Variants in SAXO1 observed in about 807,000 individuals in gnomAD.
SAXO1 encodes the protein stabilizer of axonemal microtubules 1.
A neutral mutation model predicts 17.5 loss-of-function variants in SAXO1; 21 were observed. The ratio of observed to expected loss-of-function variants is 1.20; its 90% CI spans 0.85 to 1.72. The LOEUF is 1.72. Among genes scored for constraint, SAXO1 ranks in the 40% most tolerant of loss-of-function variants. The pLI, the probability that SAXO1 is intolerant of heterozygous loss-of-function variation, is 0.00. For synonymous variants in SAXO1, 274 were observed against 216.5 expected, an observed-to-expected ratio of 1.27 and a Z score of -2.33; for missense variants, 843 against 596.0, an observed-to-expected ratio of 1.41 and a Z score of -4.32.
chr9:18,996,708 G>A (rs779535738), intron 1 of SAXO1, among the ~76,000 whole-genome samples: 39 of 151,914 alleles, frequency 2.6e-4, no homozygotes, highest in Non-Finnish European at 4.4e-4. Context: ...TAAAGGCCAC[G>A]GATGAAAAAC....
intron 1 of SAXO1, among the ~76,000 whole-genome samples, chr9:18,956,675 G>C (rs566990566): frequency 3.7e-4 from 57 of 152,264 alleles, no homozygotes; most frequent in African/African-American, 1.3e-3. Flanking sequence ...TTAATCTGCA[G>C]ATAACAATTT....
chr9:18,959,865 G>A (rs1431717867), intron 1 of SAXO1, among the ~76,000 whole-genome samples: 4 of 152,182 alleles, frequency 2.6e-5, no homozygotes, highest in East Asian at 1.9e-4. Context: ...GATTCCAGGA[G>A]TAGTAATGCC....
chr9:18,951,633 CCT>C (rs1458916826), intron 1 of SAXO1, among the ~76,000 whole-genome samples: 1 of 152,198 alleles, frequency 6.6e-6, no homozygotes, highest in Non-Finnish European at 1.5e-5. Context: ...ACTACTCTTC[CCT>C]GTGTGTGCAC....
intron 1 of SAXO1, among the ~76,000 whole-genome samples, chr9:19,043,942 C>A (rs1836140523): frequency 6.6e-6 from 1 of 151,858 alleles, no homozygotes; most frequent in Non-Finnish European, 1.5e-5. Context: ...ATCGGGAGTT[C>A]GAGACCAGTC....
intron 1 of SAXO1, among the ~76,000 whole-genome samples, chr9:18,993,867 G>A (rs1026218820): frequency 6.6e-6 from 1 of 152,138 alleles, no homozygotes; most frequent in African/African-American, 2.4e-5. Flanking sequence ...AAATTCCAGG[G>A]AGGGGGATAA....
chr9:19,032,842 C>G (rs761759555), intron 1 of SAXO1, 29 bp downstream of exon 1: 82 of 1,607,678 alleles, frequency 5.1e-5, no homozygotes, highest in Non-Finnish European at 6.1e-5. Flanking sequence ...CAGGCTCCCC[C>G]AGCCTTGCCC....
intron 1 of SAXO1, among the ~76,000 whole-genome samples, chr9:19,015,327 G>C (rs552474574): frequency 6.6e-6 from 1 of 151,784 alleles, no homozygotes; most frequent in Non-Finnish European, 1.5e-5. Flanking sequence ...CACCATGTCT[G>C]GCTAATTATT....
At chr9:19,047,901 G>A (rs1046445408) in intron 1 of SAXO1, among the ~76,000 whole-genome samples, 3 of 152,158 alleles carry the variant, frequency 2.0e-5, no homozygotes, top group Non-Finnish European at 4.4e-5. Flanking sequence ...GAAAGAACGG[G>A]GAAGGGAAAC....
chr9:18,938,832 G>GTGTGTGTGTGTA (rs1554667871), intron 3 of SAXO1, among the ~76,000 whole-genome samples: 5 of 149,774 alleles, frequency 3.3e-5, no homozygotes, highest in African/African-American at 7.4e-5. Context: ...GTGTGTGTGT[G>GTGTGTGTGTGTA]TGTGTGTGTG....
At chr9:18,951,732 G>C (rs1832047775) in intron 1 of SAXO1, among the ~76,000 whole-genome samples, 1 of 152,078 alleles carries the variant, frequency 6.6e-6, no homozygotes, top group South Asian at 2.1e-4. Flanking sequence ...TTTGTTTATT[G>C]TCTGTCTCAT....
chr9:19,030,170 A>G (rs1226741735), intron 1 of SAXO1, among the ~76,000 whole-genome samples: 1 of 152,152 alleles, frequency 6.6e-6, no homozygotes, highest in East Asian at 1.9e-4. Context: ...TTTTAGAGAA[A>G]GGGAAAGGAT....
At position 18,941,646 on chromosome 9, in the gene SAXO1, T is replaced by A; in HGVS notation, c.412A>T (p.Thr138Ser). Residue 138 changes from threonine (T) to serine (S), a missense_variant, in exon 3 of 4, where the codon ACT becomes TCT. Transcript: ENST00000380534. Reference protein sequence around the residue: ...PCSDKMECLPTYKADYLPWNQ... With the variant: ...PCSDKMECLPSYKADYLPWNQ... Reference sequence around the variant, plus strand: ...CTCTGTGCTCTCCCACCTTTATAAGTAGGCAAACACTCCATCTTGTCGCTA... The same window carrying A: ...CTCTGTGCTCTCCCACCTTTATAAGAAGGCAAACACTCCATCTTGTCGCTA... The A allele has an allele frequency of 3.7e-6, 6 of 1,614,200 alleles. No individual in the cohort carries two copies. Among genetic ancestry groups the A allele is most frequent in the Non-Finnish European group, 5.1e-6 (6 of 1,180,034 alleles).
upstream of SAXO1, chr9:19,033,323 G>A (rs890618201): frequency 1.1e-5 from 2 of 178,508 alleles, no homozygotes; most frequent in African/African-American, 4.7e-5. Flanking sequence ...GTGAGGTCGG[G>A]AAGCTCCCAG....
chr9:18,998,554 C>G (rs1057454462), intron 1 of SAXO1, among the ~76,000 whole-genome samples: 1 of 152,084 alleles, frequency 6.6e-6, no homozygotes, highest in African/African-American at 2.4e-5. Context: ...GGATATTATC[C>G]AGAAGAACTT....
intron 1 of SAXO1, among the ~76,000 whole-genome samples, chr9:18,967,865 G>A (rs1011580474): frequency 1.3e-5 from 2 of 152,148 alleles, no homozygotes; most frequent in Non-Finnish European, 2.9e-5. Context: ...GAAACCCAGA[G>A]CCCTGGTGGT....
chr9:19,027,640 G>A, intron 1 of SAXO1: 5 of 1,407,774 alleles, frequency 3.6e-6, no homozygotes, highest in Non-Finnish European at 5.0e-6. Context: ...AGCTAGTCCG[G>A]GATGCCTTCG....
At chr9:18,936,111 G>T (rs914949666) in intron 3 of SAXO1, among the ~76,000 whole-genome samples, 4 of 152,070 alleles carry the variant, frequency 2.6e-5, no homozygotes, top group Non-Finnish European at 5.9e-5. Context: ...TGCTTTTTGG[G>T]AAGAGGATTT....
chr9:19,014,603 G>A (rs984614350), intron 1 of SAXO1, among the ~76,000 whole-genome samples: 10 of 151,956 alleles, frequency 6.6e-5, no homozygotes, highest in South Asian at 2.1e-4. Flanking sequence ...ATAGAACCAA[G>A]TAGCTCAAAG....
At chr9:18,948,474 T>C (rs1002618453) in intron 2 of SAXO1, among the ~76,000 whole-genome samples, 1 of 152,250 alleles carries the variant, frequency 6.6e-6, no homozygotes, top group Non-Finnish European at 1.5e-5. Context: ...TGCTTTCCTC[T>C]ACTTTAGCCA....
Sources: gnomAD v4.1 joint callset for allele counts (sites outside exome capture counted in the v4.1 genomes callset) on GRCh38, gnomAD v4.1.1 for gene constraint, MANE v1.5 for transcripts, NCBI Gene and HGNC (gene_info 2026-07-23, HGNC 2026-07-21) for gene names.